Variants in ARHGEF38 observed in about 807,000 individuals in gnomAD.
ARHGEF38 encodes the protein Rho guanine nucleotide exchange factor (GEF) 38.
A neutral mutation model predicts 79.9 loss-of-function variants in ARHGEF38; 79 were observed. The ratio of observed to expected loss-of-function variants is 0.99; its 90% confidence interval spans 0.82 to 1.19. The LOEUF is 1.19. ARHGEF38 is among the 50% of genes most tolerant of loss of function. The probability of loss-of-function intolerance (pLI) is 0.00; values close to 1 mark genes in which losing one functional copy is unlikely to be tolerated. For missense variants in ARHGEF38, 962 were observed against 907.2 expected (o/e 1.06, Z -0.78); for synonymous variants, 366 against 328.3 (o/e 1.11, Z -1.24).
chr4:105,631,448 TG>T (rs567726497), intron 4 of ARHGEF38: 39 of 986,128 alleles, frequency 4.0e-5, no homozygotes, highest in Non-Finnish European at 4.7e-5. Context: ...CCTACAACTC[TG>T]CATGGCCGTC....
Position 105,655,612 on chromosome 4 carries a change from C to A in ARHGEF38, c.1123C>A (p.Pro375Thr). The A allele has an allele frequency of 6.5e-7, 1 of 1,534,884 alleles. No homozygotes were observed. Among genetic ancestry groups the A allele is most frequent in the South Asian group, 1.2e-5 (1 of 83,636 alleles). ...TGTTCTTGGGTTTCAGGATGCCATG[C>A]CCCTGGCTCTGCAGAGTGTGATGGA... The part of the protein sequence containing the change: ...LCLQHIQDAM[P>T]LALQSVMDLQ... The change falls in exon 9 of 14, where the codon CCC (proline) becomes ACC (threonine). Residue 375 changes from proline (P) to threonine (T), a missense_variant. Coordinates refer to ENST00000420470, the MANE Select transcript of ARHGEF38 (RefSeq NM_001242729.2).
chr4:105,555,389 G>A (rs962970739), intron 1 of ARHGEF38, among the ~76,000 whole-genome samples: 8 of 152,152 alleles, frequency 5.3e-5, no homozygotes, highest in Admixed American at 2.6e-4. Flanking sequence ...CAGGGAAGGC[G>A]ACAAGGGAAG....
chr4:105,560,502 A>G (rs1725463672), intron 1 of ARHGEF38, among the ~76,000 whole-genome samples: 1 of 152,196 alleles, frequency 6.6e-6, no homozygotes, highest in African/African-American at 2.4e-5. Context: ...GAAACAAGCA[A>G]CTTTTTATCT....
chr4:105,631,854 C>T (rs543653849), intron 4 of ARHGEF38, among the ~76,000 whole-genome samples: 1 of 152,288 alleles, frequency 6.6e-6, no homozygotes, highest in South Asian at 2.1e-4. Flanking sequence ...ACATCTTACC[C>T]AGTGGCTCTC....
downstream of ARHGEF38, among the ~76,000 whole-genome samples, chr4:105,681,458 A>G (rs1244493422): frequency 6.6e-6 from 1 of 151,072 alleles, no homozygotes; most frequent in Non-Finnish European, 1.5e-5. Flanking sequence ...TTGATGGAAC[A>G]GGCTGTTCAT....
At chr4:105,580,969 C>T (rs972261121) in intron 1 of ARHGEF38, among the ~76,000 whole-genome samples, 2 of 152,064 alleles carry the variant, frequency 1.3e-5, no homozygotes, top group African/African-American at 2.4e-5. Context: ...GCCACCAAGC[C>T]GGGACTATTC....
chr4:105,661,950 G>A (rs1023145930), intron 10 of ARHGEF38, among the ~76,000 whole-genome samples: 2 of 152,096 alleles, frequency 1.3e-5, no homozygotes, highest in African/African-American at 4.8e-5. Context: ...GTGGACAGAT[G>A]TATCTGTAGG....
chr4:105,639,745 A>G (rs1729543588), intron 5 of ARHGEF38, among the ~76,000 whole-genome samples: 1 of 152,044 alleles, frequency 6.6e-6, no homozygotes, highest in African/African-American at 2.4e-5. Context: ...CCATAAATGT[A>G]TCAATACCAA....
At chr4:105,553,720 T>C (rs1383053975) in intron 1 of ARHGEF38, among the ~76,000 whole-genome samples, 3 of 152,188 alleles carry the variant, frequency 2.0e-5, no homozygotes. Context: ...GAAGGTCATT[T>C]GTTCTAGTAA....
At chr4:105,657,301 T>G (rs921526241) in intron 9 of ARHGEF38, among the ~76,000 whole-genome samples, 1 of 152,164 alleles carries the variant, frequency 6.6e-6, no homozygotes, top group Non-Finnish European at 1.5e-5. Flanking sequence ...AAGCCAGAAG[T>G]GTCCTGCATA....
intron 2 of ARHGEF38, among the ~76,000 whole-genome samples, chr4:105,610,248 A>T (rs1728234536): frequency 6.6e-6 from 1 of 151,972 alleles, no homozygotes; most frequent in Non-Finnish European, 1.5e-5. Context: ...GGATGGGTTA[A>T]TAGGTGCAGC....
chr4:105,601,864 T>C (rs567845017), intron 2 of ARHGEF38, among the ~76,000 whole-genome samples: 90 of 152,282 alleles, frequency 5.9e-4, no homozygotes, highest in Non-Finnish European at 1.0e-3. Context: ...GCTGTTTTTG[T>C]TTTATCCCTA....
At chr4:105,642,623 T>A (rs542504528) in intron 5 of ARHGEF38, among the ~76,000 whole-genome samples, 1 of 152,306 alleles carries the variant, frequency 6.6e-6, no homozygotes, top group South Asian at 2.1e-4. Flanking sequence ...TACTGAAGGA[T>A]GTACTCTATC....
chr4:105,669,068 A>T lies in ARHGEF38; in HGVS notation c.2148+1365A>T, dbSNP rs570700808. Among the ~76,000 whole-genome samples the T allele has an allele frequency of 9.2e-5, 14 of 152,200 alleles. No homozygotes were observed. The East Asian group carries it at 2.7e-3, about 29-fold the overall frequency. ...CTTTAGAAATAATAATAATAATAAT[A>T]AAAGTAATGGTTTTTAGTCCCTTCT... On this transcript the variant is annotated intron_variant, in intron 13 of 13. Transcript: ENST00000420470.
At chr4:105,579,047 C>A (rs1726648764) in intron 1 of ARHGEF38, among the ~76,000 whole-genome samples, 1 of 151,944 alleles carries the variant, frequency 6.6e-6, no homozygotes, top group African/African-American at 2.4e-5. Context: ...TCAAGCCTGG[C>A]TGTTCTTGGT....
chr4:105,555,984 C>T (rs1461113455), intron 1 of ARHGEF38, among the ~76,000 whole-genome samples: 1 of 152,112 alleles, frequency 6.6e-6, no homozygotes, highest in Non-Finnish European at 1.5e-5. Context: ...CATCCTAAAA[C>T]CTTTGCAGAA....
At chr4:105,641,751 T>G (rs1178566054) in intron 5 of ARHGEF38, among the ~76,000 whole-genome samples, 1 of 152,032 alleles carries the variant, frequency 6.6e-6, no homozygotes, top group African/African-American at 2.4e-5. Flanking sequence ...CAGCATAATG[T>G]TTATATTATT....
At chr4:105,620,719 C>T (rs554162464) in intron 3 of ARHGEF38, among the ~76,000 whole-genome samples, 60 of 152,158 alleles carry the variant, frequency 3.9e-4, no homozygotes, top group African/African-American at 1.2e-3. Context: ...GGAGATTTAA[C>T]ATATCAAGTG....
intron 8 of ARHGEF38, among the ~76,000 whole-genome samples, chr4:105,654,737 G>A (rs529853771): frequency 2.6e-5 from 4 of 152,046 alleles, no homozygotes; most frequent in Non-Finnish European, 4.4e-5. Flanking sequence ...GATTATGCTC[G>A]GTAGAAAAAC....
Sources: allele counts gnomAD v4.1 joint callset (sites outside exome capture counted in the v4.1 genomes callset), GRCh38; gene constraint gnomAD v4.1.1; transcripts MANE v1.5; gene names NCBI Gene and HGNC (gene_info 2026-07-23, HGNC 2026-07-21).